The following NSMCE2 variants were observed in gnomAD, a reference collection of about 807,000 sequenced individuals.
NSMCE2 encodes the protein NSE2 SUMO ligase component of SMC5/6 complex.
Under a neutral mutation model 23.8 loss-of-function variants are expected in NSMCE2, and 24 were observed. That is an observed-to-expected ratio of 1.01 (90% CI 0.73 to 1.42). NSMCE2 has a LOEUF of 1.42. Ranked by LOEUF, NSMCE2 falls within the 40% of genes most tolerant of loss-of-function variation. The probability of loss-of-function intolerance (pLI) is 0.00; values close to 1 mark genes in which losing one functional copy is unlikely to be tolerated. For synonymous variants in NSMCE2, 92 were observed against 94.1 expected (o/e 0.98, Z 0.13); for missense variants, 284 against 296.5 (o/e 0.96, Z 0.31).
intron 7 of NSMCE2, among the ~76,000 whole-genome samples, chr8:125,365,653 C>T (rs1190845189): frequency 3.9e-5 from 6 of 151,916 alleles, no homozygotes; most frequent in Non-Finnish European, 7.4e-5. Context: ...GTCAGGAGTT[C>T]GAGACCAGCC....
Position 125,330,177 on chromosome 8 carries a change from C to CTTTTTTTTTTTTTTTTTT in NSMCE2, c.419-27039_419-27038insTTTTTTTTTTTTTTTTTT, listed in dbSNP as rs34345598. Among the ~76,000 whole-genome samples the CTTTTTTTTTTTTTTTTTT allele has an allele frequency of 1.7e-5, 2 of 119,122 alleles. 1 individual carries two copies. 78.1% of individuals were successfully genotyped at this position (119,122 alleles called of 152,430 possible). The stretch of plus-strand genomic sequence containing the variant: ...AAACAGAACTAACTTTTTCTTTTTT[C>CTTTTTTTTTTTTTTTTTT]TTTCTTTTTTTTTTTTTTTGAGACA... On this transcript the variant is annotated intron_variant, in intron 5 of 7. Coordinates refer to ENST00000287437, the MANE Select transcript of NSMCE2 (RefSeq NM_173685.4).
intron 5 of NSMCE2, among the ~76,000 whole-genome samples, chr8:125,337,547 AAGGT>A (rs1413573256): frequency 6.6e-6 from 1 of 152,208 alleles, no homozygotes; most frequent in Non-Finnish European, 1.5e-5. Context: ...TCTGTAACAT[AAGGT>A]AGAATGTTAT....
chr8:125,258,003 G>T (rs1433515025), intron 5 of NSMCE2, among the ~76,000 whole-genome samples: 1 of 152,138 alleles, frequency 6.6e-6, no homozygotes, highest in Non-Finnish European at 1.5e-5. Flanking sequence ...GACCCAAATA[G>T]CTCATGCCAT....
intron 5 of NSMCE2, among the ~76,000 whole-genome samples, chr8:125,206,818 G>C (rs999840374): frequency 2.0e-5 from 3 of 152,166 alleles, no homozygotes; most frequent in Non-Finnish European, 4.4e-5. Flanking sequence ...GCTAAAGAGA[G>C]GGGGAGAAAG....
At chr8:125,295,625 AT>A (rs1038607995) in intron 5 of NSMCE2, among the ~76,000 whole-genome samples, 2 of 152,200 alleles carry the variant, frequency 1.3e-5, no homozygotes, top group African/African-American at 4.8e-5. Context: ...CTGAGAGTGG[AT>A]CATTAACCCT....
intron 1 of NSMCE2, among the ~76,000 whole-genome samples, chr8:125,101,129 A>G (rs941343992): frequency 1.3e-5 from 2 of 152,222 alleles, no homozygotes; most frequent in South Asian, 2.1e-4. Context: ...GCATGTCTCT[A>G]TGCCCTTCTC....
At chr8:125,217,798 A>G (rs1824667725) in intron 5 of NSMCE2, among the ~76,000 whole-genome samples, 1 of 152,014 alleles carries the variant, frequency 6.6e-6, no homozygotes, top group African/African-American at 2.4e-5. Context: ...GACTTGCTCA[A>G]ATTACCATTT....
rs1825306831 is a variant in NSMCE2 at position 125,231,193 on chromosome 8, T to C, written c.418+48937T>C. On this transcript the variant is annotated intron_variant, in intron 5 of 7. Coordinates refer to ENST00000287437, the MANE Select transcript of NSMCE2 (RefSeq NM_173685.4). ...AATTATATGATATATTAGTAAAAGA[T>C]GCTTATAGTTGTTTTACAGGTAGCA... Among the ~76,000 whole-genome samples, 6 of 152,242 alleles carry C rather than the reference T, an allele frequency of 3.9e-5. No individual in the cohort carries two copies. In the South Asian group the frequency reaches 1.2e-3, roughly 31 times the overall value.
At chr8:125,256,281 C>CCAAA (rs1826407035) in intron 5 of NSMCE2, among the ~76,000 whole-genome samples, 1 of 76,246 alleles carries the variant, frequency 1.3e-5, no homozygotes, top group African/African-American at 4.7e-5. Context: ...GACTCCGTCT[C>CCAAA]AAAAAAAAAA....
chr8:125,252,787 A>G (rs1391992448), intron 5 of NSMCE2, among the ~76,000 whole-genome samples: 1 of 152,252 alleles, frequency 6.6e-6, no homozygotes, highest in African/African-American at 2.4e-5. Flanking sequence ...AAGTCTATTT[A>G]AGCAGTGCAT....
At chr8:125,293,359 C>T (rs1476736849) in intron 5 of NSMCE2, among the ~76,000 whole-genome samples, 1 of 152,158 alleles carries the variant, frequency 6.6e-6, no homozygotes, top group African/African-American at 2.4e-5. Context: ...ATTTGAAGGA[C>T]ATAATTGTAT....
At chr8:125,348,357 T>C (rs1353014500) in intron 5 of NSMCE2, 1 of 152,228 alleles carries the variant, frequency 6.6e-6, no homozygotes, top group African/African-American at 2.4e-5. Flanking sequence ...TGTTGAACTT[T>C]GCCATCCTGT....
Position 125,357,222 on chromosome 8 carries a change from G to C in NSMCE2, c.422G>C (p.Gly141Ala), listed in dbSNP as rs1281404174. 6.2e-7 allele frequency: 1 copy of C among 1,603,900 alleles called. No homozygotes were observed. Among genetic ancestry groups the C allele is most frequent in the Non-Finnish European group, 8.5e-7 (1 of 1,170,816 alleles). ...TCAACTCTCCATTTTCCTCTAGGTGGTCTTCAAGCTGACAGAGAAGCTGAC... is the reference window on the plus strand; with the variant it reads ...TCAACTCTCCATTTTCCTCTAGGTGCTCTTCAAGCTGACAGAGAAGCTGAC... Reference protein sequence around the residue: ...QQLKELKKQCGLQADREADGT... With the variant: ...QQLKELKKQCALQADREADGT... The change falls in exon 6 of 8, where the codon GGT becomes GCT. Residue 141 changes from glycine to alanine, a missense_variant. By Grantham distance (60) the Gly-to-Ala change is moderately conservative (BLOSUM62 0). Coordinates refer to ENST00000287437, the MANE Select transcript of NSMCE2 (RefSeq NM_173685.4).
At chr8:125,276,596 A>G (rs1476585475) in intron 5 of NSMCE2, among the ~76,000 whole-genome samples, 4 of 151,572 alleles carry the variant, frequency 2.6e-5, no homozygotes, top group African/African-American at 9.7e-5. Flanking sequence ...GATTGTATAT[A>G]CAGTCCCTCA....
intron 3 of NSMCE2, among the ~76,000 whole-genome samples, chr8:125,128,271 A>C (rs1028528214): frequency 1.7e-4 from 26 of 152,282 alleles, no homozygotes; most frequent in Admixed American, 1.6e-3. Context: ...CTTCCTAGGA[A>C]TATGCCTGGA....
At chr8:125,115,617 G>C (rs1818968379) in intron 3 of NSMCE2, among the ~76,000 whole-genome samples, 1 of 152,222 alleles carries the variant, frequency 6.6e-6, no homozygotes, top group Admixed American at 6.5e-5. Context: ...CAGGCATGGT[G>C]GCAGATGTGT....
intron 3 of NSMCE2, among the ~76,000 whole-genome samples, chr8:125,134,011 C>A (rs1819923278): frequency 1.3e-5 from 2 of 152,162 alleles, no homozygotes; most frequent in South Asian, 4.1e-4. Flanking sequence ...GCATTTCTAA[C>A]AAGTTCCCAG....
intron 5 of NSMCE2, among the ~76,000 whole-genome samples, chr8:125,266,047 A>C (rs1043886078): frequency 2.6e-5 from 4 of 151,898 alleles, no homozygotes; most frequent in African/African-American, 9.7e-5. Context: ...GAACACATGA[A>C]TATAGCTAAC....
intron 1 of NSMCE2, among the ~76,000 whole-genome samples, chr8:125,100,295 G>T (rs1486479966): frequency 6.6e-6 from 1 of 152,110 alleles, no homozygotes; most frequent in Non-Finnish European, 1.5e-5. Context: ...TATGTACTCT[G>T]CAATGATTTG....
Sources: allele counts gnomAD v4.1 joint callset (sites outside exome capture counted in the v4.1 genomes callset), GRCh38; gene constraint gnomAD v4.1.1; transcripts MANE v1.5; gene names NCBI Gene and HGNC (gene_info 2026-07-23, HGNC 2026-07-21).